Variants in ADCY9 observed in about 807,000 individuals in gnomAD.
The protein encoded by ADCY9 is adenylate cyclase type 9.
A neutral mutation model predicts 101.5 loss-of-function variants in ADCY9; 50 were observed. That is an observed-to-expected ratio of 0.49 (90% CI 0.39 to 0.62). The LOEUF is 0.62. Ranked by LOEUF, ADCY9 falls within the 20% of genes least tolerant of loss-of-function variation. The pLI is 0.00. For synonymous variants in ADCY9, 905 were observed against 769.3 expected (o/e 1.18, Z -2.92); for missense variants, 1,662 against 1,800.4 (o/e 0.92, Z 1.39).
At chr16:3,984,640 T>C (rs61470542) in intron 6 of ADCY9, among the ~76,000 whole-genome samples, 22,799 of 152,032 alleles carry the variant, frequency 0.15, 2,071 homozygotes, top group South Asian at 0.33. Flanking sequence ...CCTGAGTGTG[T>C]CCCTAACCTA....
intron 2 of ADCY9, among the ~76,000 whole-genome samples, chr16:4,018,966 T>TGTGTGTGTGTGTGTGTGTGG (rs1349041775): frequency 1.3e-5 from 2 of 151,074 alleles, no homozygotes; most frequent in Non-Finnish European, 3.0e-5. Context: ...TGTGTGTGTG[T>TGTGTGTGTGTGTGTGTGTGG]GTGTTTTGTT....
intron 2 of ADCY9, among the ~76,000 whole-genome samples, chr16:4,046,538 G>A (rs915385665): frequency 6.6e-6 from 1 of 152,202 alleles, no homozygotes; most frequent in Admixed American, 6.5e-5. Flanking sequence ...CAGGCTGGGA[G>A]TAGCTTAGTA....
At chr16:4,113,498 G>C (rs1012224697) in intron 2 of ADCY9, among the ~76,000 whole-genome samples, 1 of 152,166 alleles carries the variant, frequency 6.6e-6, no homozygotes, top group Non-Finnish European at 1.5e-5. Context: ...GGTTATGCAC[G>C]TTCAAAGTTC....
intron 2 of ADCY9, among the ~76,000 whole-genome samples, chr16:4,019,939 G>T (rs1001687874): frequency 6.6e-6 from 1 of 152,196 alleles, no homozygotes; most frequent in South Asian, 2.1e-4. Context: ...TTAACCGGGC[G>T]TGGTGGCGGG....
Position 4,097,553 on chromosome 16 carries a change from A to ATATATTTTT in ADCY9, c.1693+16196_1693+16197insAAAAATATA, listed in dbSNP as rs1382458827. Among the ~76,000 whole-genome samples, 114 of 53,384 alleles carry ATATATTTTT rather than the reference A, an allele frequency of 2.1e-3. 5 individuals are homozygous for ATATATTTTT. The highest frequency in any genetic ancestry group is 3.5e-3 in the African/African-American group (41 of 11,582). 35.0% of individuals were successfully genotyped at this position (53,384 alleles called of 152,430 possible). The stretch of plus-strand genomic sequence containing the variant: ...CATATATATATATATATATATATAT[A>ATATATTTTT]TTTTTTTTTTTTTTTTTTAAGACAG... On this transcript the variant is annotated intron_variant, in intron 2 of 10. Transcript: ENST00000294016.
intron 10 of ADCY9, among the ~76,000 whole-genome samples, chr16:3,972,404 A>AT (rs2056060410): frequency 6.6e-6 from 1 of 151,540 alleles, no homozygotes; most frequent in Non-Finnish European, 1.5e-5. Flanking sequence ...TAATTTTTGT[A>AT]TTTTTAGTAG....
At chr16:4,101,600 T>C (rs1448181748) in intron 2 of ADCY9, among the ~76,000 whole-genome samples, 2 of 152,180 alleles carry the variant, frequency 1.3e-5, no homozygotes, top group African/African-American at 4.8e-5. Context: ...TTGATCACTG[T>C]CTACTTCCCT....
intron 2 of ADCY9, among the ~76,000 whole-genome samples, chr16:4,045,288 C>T (rs1440316755): frequency 1.3e-5 from 2 of 152,038 alleles, no homozygotes; most frequent in Non-Finnish European, 2.9e-5. Context: ...AGTTTAATCT[C>T]TGTTTAGTTA....
rs577308628 is a variant in ADCY9 at position 3,955,215 on chromosome 16, T to A, written c.568-1699A>T. 4.1e-4 allele frequency among the ~76,000 whole-genome samples: 62 copies of A among 151,394 alleles called. No individual in the cohort carries two copies. The South Asian group carries it at 0.013, about 32-fold the overall frequency. Reference sequence around the variant, plus strand: ...ATTACGTCAAAAATTGCCTCAAATGTCTCTCATTAAAAAAAAAAAAGTAGT... The same window carrying A: ...ATTACGTCAAAAATTGCCTCAAATGACTCTCATTAAAAAAAAAAAAGTAGT... On this transcript the variant is annotated intron_variant, in intron 5 of 5. Transcript: ENST00000576936.
intron 2 of ADCY9, among the ~76,000 whole-genome samples, chr16:4,063,694 G>A (rs188608242): frequency 8.6e-5 from 13 of 151,032 alleles, no homozygotes; most frequent in East Asian, 5.8e-4. Context: ...CCTGGGCCAC[G>A]GGGCGAGATC....
At chr16:4,018,214 C>CT (rs771932084) in intron 2 of ADCY9, among the ~76,000 whole-genome samples, 14,559 of 141,330 alleles carry the variant, frequency 0.1, 932 homozygotes, top group Admixed American at 0.14. Context: ...ATATTCTTCT[C>CT]TTTTTTTTTT....
At position 4,027,093 on chromosome 16, in the gene ADCY9, G is replaced by A. The variant is rs185959210; in HGVS notation, c.1694-19535C>T. On this transcript the variant is annotated intron_variant, in intron 2 of 10. Coordinates refer to ENST00000294016, the MANE Select transcript of ADCY9 (RefSeq NM_001116.4). ...CCTGCAACCAATCAGACTGGTCACA[G>A]GCCACTCCTTCACTTACATAGGGTG... is the stretch of plus-strand genomic sequence containing the variant. Among the ~76,000 whole-genome samples, 180 of 152,230 alleles carry A rather than the reference G, an allele frequency of 1.2e-3. 4 individuals are homozygous for A. The highest frequency in any genetic ancestry group is 4.2e-3 in the African/African-American group (176 of 41,518).
chr16:4,102,828 T>C (rs1421269667), intron 2 of ADCY9, among the ~76,000 whole-genome samples: 1 of 152,056 alleles, frequency 6.6e-6, no homozygotes, highest in Non-Finnish European at 1.5e-5. Context: ...TTCAAGTGAT[T>C]CTCCTGCCTC....
intron 2 of ADCY9, among the ~76,000 whole-genome samples, chr16:4,094,189 T>C (rs2056989362): frequency 6.6e-6 from 1 of 152,188 alleles, no homozygotes; most frequent in Non-Finnish European, 1.5e-5. Context: ...TGCATGGTAG[T>C]TCTGAAAGTT....
At chr16:3,990,940 C>T (rs1343645900) in intron 5 of ADCY9, among the ~76,000 whole-genome samples, 2 of 152,204 alleles carry the variant, frequency 1.3e-5, no homozygotes, top group African/African-American at 4.8e-5. Flanking sequence ...GCTGGGATGA[C>T]AGGCACCCGC....
intron 2 of ADCY9, among the ~76,000 whole-genome samples, chr16:4,056,586 A>G (rs2056739438): frequency 6.6e-6 from 1 of 152,096 alleles, no homozygotes; most frequent in Admixed American, 6.6e-5. Flanking sequence ...TCGTCCTCCT[A>G]GGAGTCAGAA....
chr16:4,046,125 A>T (rs1027395916), intron 2 of ADCY9, among the ~76,000 whole-genome samples: 1 of 152,028 alleles, frequency 6.6e-6, no homozygotes, highest in African/African-American at 2.4e-5. Flanking sequence ...TGCTGGGATC[A>T]CAGGTGTGAG....
intron 2 of ADCY9, among the ~76,000 whole-genome samples, chr16:4,025,577 G>A (rs1248546409): frequency 2.6e-5 from 4 of 152,152 alleles, no homozygotes; most frequent in African/African-American, 9.7e-5. Context: ...GAAGGCACAC[G>A]CGGTCAGTCC....
intron 2 of ADCY9, among the ~76,000 whole-genome samples, chr16:4,097,487 T>TATATACACACACAC (rs76750792): frequency 0.01 from 743 of 72,230 alleles, 9 homozygotes; most frequent in South Asian, 0.023. Context: ...TATATATATA[T>TATATACACACACAC]ACACACACAC....
Sources: allele counts gnomAD v4.1 joint callset (sites outside exome capture counted in the v4.1 genomes callset), GRCh38; gene constraint gnomAD v4.1.1; transcripts MANE v1.5; gene names NCBI Gene and HGNC (gene_info 2026-07-23, HGNC 2026-07-21).